HCN1: variants seen among roughly 807,000 people sequenced by gnomAD.
HCN1 encodes the protein hyperpolarization activated cyclic nucleotide gated potassium channel 1, also known as potassium/sodium hyperpolarization-activated cyclic nucleotide-gated channel 1.
In HCN1, 13 loss-of-function variants were observed where a neutral mutation model predicts 78.9. That is an observed-to-expected ratio of 0.16 (90% CI 0.11 to 0.26). The LOEUF (loss-of-function observed/expected upper bound fraction) is 0.26, where lower values mean the gene tolerates loss of function less well. Ranked by LOEUF, HCN1 falls within the 10% of genes least tolerant of loss-of-function variation. The pLI is 1.00. For missense variants in HCN1, 810 were observed against 1,154.3 expected (o/e 0.70, Z 4.32); for synonymous variants, 552 against 455.5 (o/e 1.21, Z -2.70).
At chr5:45,579,496 C>T (rs192226868) in intron 2 of HCN1, among the ~76,000 whole-genome samples, 16 of 151,880 alleles carry the variant, frequency 1.1e-4, no homozygotes, top group Non-Finnish European at 1.8e-4. Flanking sequence ...ACCATGGTCT[C>T]GCAAAGATCC....
At chr5:45,530,412 T>TTCTA (rs1554031208) in intron 2 of HCN1, among the ~76,000 whole-genome samples, 1 of 148,678 alleles carries the variant, frequency 6.7e-6, no homozygotes, top group African/African-American at 2.5e-5. Context: ...GATTGTGTTT[T>TTCTA]TATATATATA....
chr5:45,306,229 A>G (rs1745731142), intron 5 of HCN1, among the ~76,000 whole-genome samples: 1 of 152,088 alleles, frequency 6.6e-6, no homozygotes, highest in South Asian at 2.1e-4. Flanking sequence ...AAAATAATAG[A>G]GAATCCCTTC....
At chr5:45,564,623 T>C (rs539321872) in intron 2 of HCN1, among the ~76,000 whole-genome samples, 13 of 152,354 alleles carry the variant, frequency 8.5e-5, no homozygotes, top group African/African-American at 2.9e-4. Flanking sequence ...GCTCTAACTA[T>C]GTAATCCTTT....
chr5:45,255,553 A>C lies in HCN1; in HGVS notation c.*6368T>G, dbSNP rs2111828062. Reference sequence around the variant, plus strand: ...ACTTTCCACAGTGAGGCACGCAAGAACATTTAGAACTGCACATTTTAAACA... The same window carrying C: ...ACTTTCCACAGTGAGGCACGCAAGACCATTTAGAACTGCACATTTTAAACA... On this transcript the variant is annotated 3_prime_UTR_variant, in exon 8 of 8. Transcript: ENST00000303230. The C allele has an allele frequency of 6.6e-6, 1 of 152,322 alleles. No individual in the cohort carries two copies. Among genetic ancestry groups the C allele is most frequent in the Non-Finnish European group, 1.5e-5 (1 of 68,024 alleles). The allele number at this position is 152,322 out of a possible 1,614,324, so 9.4% of individuals were successfully genotyped here.
chr5:45,387,715 G>A (rs1469007832), intron 4 of HCN1, among the ~76,000 whole-genome samples: 3 of 151,910 alleles, frequency 2.0e-5, no homozygotes, highest in Non-Finnish European at 2.9e-5. Flanking sequence ...ACAGCACCAG[G>A]CCATATACAG....
chr5:45,334,906 T>C (rs910230254), intron 5 of HCN1, among the ~76,000 whole-genome samples: 2 of 152,036 alleles, frequency 1.3e-5, no homozygotes, highest in Non-Finnish European at 2.9e-5. Context: ...ATTTAAAAAA[T>C]CAACAAGTGT....
chr5:45,646,404 C>G (rs1203216617), intron 1 of HCN1, among the ~76,000 whole-genome samples: 1 of 62,372 alleles, frequency 1.6e-5, no homozygotes. Context: ...GAGTTTCATT[C>G]TTGTTGCCCA....
At chr5:45,682,938 T>C (rs983261957) in intron 1 of HCN1, among the ~76,000 whole-genome samples, 3 of 152,144 alleles carry the variant, frequency 2.0e-5, no homozygotes, top group Non-Finnish European at 4.4e-5. Flanking sequence ...TTACAATAAC[T>C]TACTACCCTA....
chr5:45,503,898 G>A (rs1270288343), intron 2 of HCN1, among the ~76,000 whole-genome samples: 4 of 151,754 alleles, frequency 2.6e-5, no homozygotes. Context: ...CGATTCTCCT[G>A]CATTAGCCTC....
chr5:45,665,723 A>T (rs991989024), intron 1 of HCN1, among the ~76,000 whole-genome samples: 6 of 152,110 alleles, frequency 3.9e-5, no homozygotes, highest in Middle Eastern at 3.2e-3. Context: ...ATTATTTCAA[A>T]ACCCATATGG....
At chr5:45,672,704 A>G (rs1746175117) in intron 1 of HCN1, among the ~76,000 whole-genome samples, 1 of 151,466 alleles carries the variant, frequency 6.6e-6, no homozygotes, top group Admixed American at 6.6e-5. Context: ...ATGTTATGCA[A>G]AAGATCCAAT....
At chr5:45,450,052 C>T (rs1740886627) in intron 3 of HCN1, among the ~76,000 whole-genome samples, 1 of 152,148 alleles carries the variant, frequency 6.6e-6, no homozygotes, top group Admixed American at 6.6e-5. Flanking sequence ...AGGATGGTCT[C>T]AATCTCCTGA....
intron 2 of HCN1, among the ~76,000 whole-genome samples, chr5:45,469,184 C>A (rs1741337764): frequency 6.6e-6 from 1 of 151,852 alleles, no homozygotes; most frequent in African/African-American, 2.4e-5. Context: ...AGAAATACAT[C>A]TTTTCAACTT....
intron 3 of HCN1, among the ~76,000 whole-genome samples, chr5:45,451,286 C>T (rs1211572967): frequency 6.6e-6 from 1 of 151,916 alleles, no homozygotes; most frequent in Non-Finnish European, 1.5e-5. Context: ...AAAAGAGCTA[C>T]TTATTAAAAA....
chr5:45,419,298 A>G (rs936609090), intron 3 of HCN1, among the ~76,000 whole-genome samples: 10 of 152,178 alleles, frequency 6.6e-5, no homozygotes, highest in African/African-American at 2.4e-4. Context: ...GAAGCACCTC[A>G]GATGCAAAGA....
At chr5:45,379,031 T>A (rs971832191) in intron 4 of HCN1, among the ~76,000 whole-genome samples, 1 of 152,160 alleles carries the variant, frequency 6.6e-6, no homozygotes, top group Non-Finnish European at 1.5e-5. Context: ...TTGATGGACA[T>A]TTGGGTTGGT....
Position 45,529,226 on chromosome 5 carries a change from CACTA to C in HCN1, c.850-67223_850-67220del, listed in dbSNP as rs573284429. 2.2e-3 allele frequency among the ~76,000 whole-genome samples: 330 copies of C among 152,078 alleles called. 2 individuals are homozygous for C. The highest frequency in any genetic ancestry group is 4.5e-3 in the African/African-American group (187 of 41,546). On this transcript the variant is annotated intron_variant, in intron 2 of 7. Coordinates refer to ENST00000303230, the MANE Select transcript of HCN1 (RefSeq NM_021072.4). ...CTAAACATGTCTTTGTTTTACTACA[CACTA>C]ACTAAAAATAAAGCAGAATACACTG...
chr5:45,472,407 T>G (rs1741409250), intron 2 of HCN1, among the ~76,000 whole-genome samples: 1 of 151,498 alleles, frequency 6.6e-6, no homozygotes, highest in Non-Finnish European at 1.5e-5. Flanking sequence ...TCTTACTAGA[T>G]AGTGAGCCCT....
At chr5:45,283,125 C>T (rs901100914) in intron 6 of HCN1, among the ~76,000 whole-genome samples, 25 of 152,092 alleles carry the variant, frequency 1.6e-4, no homozygotes, top group Admixed American at 4.6e-4. Context: ...ATAGCATGTT[C>T]GAAATTATTA....
Sources: gnomAD v4.1 joint callset for allele counts (sites outside exome capture counted in the v4.1 genomes callset) on GRCh38, gnomAD v4.1.1 for gene constraint, MANE v1.5 for transcripts, NCBI Gene and HGNC (gene_info 2026-07-23, HGNC 2026-07-21) for gene names.